Variants in GPR143 observed in about 807,000 individuals in gnomAD.
The protein encoded by GPR143 is G protein-coupled receptor 143, also known as G-protein coupled receptor 143.
In GPR143, 8 loss-of-function variants were observed where a neutral mutation model predicts 27.6. That is an observed-to-expected ratio of 0.29 (90% CI 0.17 to 0.52). The LOEUF is 0.52. Ranked by LOEUF, GPR143 falls within the 20% of genes least tolerant of loss-of-function variation. The pLI is 0.96. For missense variants in GPR143, 303 were observed against 343.1 expected, an observed-to-expected ratio of 0.88 and a Z score of 0.92; for synonymous variants, 156 against 153.2, an observed-to-expected ratio of 1.02 and a Z score of -0.13.
chrX:9,746,521 TTAAA>T (rs1285469261), intron 4 of GPR143, among the ~76,000 whole-genome samples: 1 of 110,914 alleles, frequency 9.0e-6, no homozygotes, highest in Non-Finnish European at 1.9e-5. Flanking sequence ...AGGCACTCCA[TTAAA>T]TAGTGAGGTT....
intron 8 of GPR143, among the ~76,000 whole-genome samples, chrX:9,729,913 C>T (rs1226443937): frequency 8.9e-6 from 1 of 112,357 alleles, no homozygotes; most frequent in Middle Eastern, 4.2e-3. Context: ...CAACAACATT[C>T]CACATATATG....
intron 6 of GPR143, among the ~76,000 whole-genome samples, chrX:9,741,668 C>T (rs1275152437): frequency 9.0e-5 from 10 of 111,595 alleles, no homozygotes; most frequent in Non-Finnish European, 1.9e-4. Flanking sequence ...AGGAGGATTG[C>T]TTGAGCCCAG....
chrX:9,764,518 A>ATG (rs2083518551), intron 1 of GPR143, among the ~76,000 whole-genome samples: 1 of 85,550 alleles, frequency 1.2e-5, no homozygotes, highest in Non-Finnish European at 2.4e-5. Flanking sequence ...ACACACACAC[A>ATG]CACACACACA....
intron 8 of GPR143, among the ~76,000 whole-genome samples, chrX:9,726,131 T>C (rs2083326199): frequency 1.8e-5 from 2 of 110,908 alleles, no homozygotes; most frequent in African/African-American, 6.6e-5. Flanking sequence ...GCACAGATGC[T>C]GCAGGTGACA....
intron 4 of GPR143, among the ~76,000 whole-genome samples, chrX:9,747,009 T>TAA (rs56761188): frequency 0.016 from 599 of 37,574 alleles, 23 homozygotes; most frequent in African/African-American, 0.043. Context: ...GCAGAAAATG[T>TAA]AAAAAAAAAA....
At chrX:9,761,989 AGGTG>A (rs2083503931) in intron 1 of GPR143, among the ~76,000 whole-genome samples, 1 of 112,429 alleles carries the variant, frequency 8.9e-6, no homozygotes, top group Non-Finnish European at 1.9e-5. Context: ...CAGGAGGCTG[AGGTG>A]GGAGAATCGC....
At chrX:9,760,655 T>C in intron 2 of GPR143, 62 bp downstream of exon 2, 1 of 616,257 alleles carries the variant, frequency 1.6e-6, no homozygotes, top group Non-Finnish European at 2.7e-6. Flanking sequence ...CAGGGTTTGC[T>C]GCTGCTGCGA....
intron 1 of GPR143, among the ~76,000 whole-genome samples, chrX:9,771,608 CAAAGA>C (rs1217017204): frequency 1.8e-5 from 2 of 109,563 alleles, no homozygotes; most frequent in Non-Finnish European, 3.8e-5. Flanking sequence ...TCCTGAAAAG[CAAAGA>C]AAACTCCCAG....
chrX:9,767,281 T>C (rs1224981669), upstream of GPR143, among the ~76,000 whole-genome samples: 2 of 110,606 alleles, frequency 1.8e-5, no homozygotes, highest in Non-Finnish European at 3.8e-5. Context: ...ATCATATTTA[T>C]CATCTTCAAC....
In GPR143 at chrX:9,765,718, G is replaced by A. The variant is rs1223791039; in HGVS notation, c.100C>T (p.Leu34=). The change falls in exon 1 of 9, where the codon CTG becomes TTG. Residue 34 remains leucine (L), a synonymous_variant. Transcript: ENST00000467482. The part of the protein sequence containing the change: ...FQPRAFHALC[L]GSGGLRLALG... ...GCCAAGCGGAGCCCGCCGCTGCCCAGGCAGAGCGCGTGGAAGGCCCGCGGC... is the reference window on the plus strand; with the variant it reads ...GCCAAGCGGAGCCCGCCGCTGCCCAAGCAGAGCGCGTGGAAGGCCCGCGGC... 11 of 1,119,770 alleles carry A rather than the reference G, an allele frequency of 9.8e-6. No homozygotes were observed. The highest frequency in any genetic ancestry group is 3.1e-4 in the Middle Eastern group (1 of 3,246). The allele number at this position is 1,119,770 out of a possible 1,213,427, so 92.3% of individuals were successfully genotyped here.
intron 8 of GPR143, among the ~76,000 whole-genome samples, chrX:9,728,483 G>A (rs1340592020): frequency 9.4e-6 from 1 of 106,786 alleles, no homozygotes; most frequent in Admixed American, 1.0e-4. Flanking sequence ...AAAGGATTAG[G>A]GAAGCCTGAG....
chrX:9,770,581 G>A (rs2083551575), upstream of GPR143, among the ~76,000 whole-genome samples: 1 of 110,740 alleles, frequency 9.0e-6, no homozygotes, highest in African/African-American at 3.3e-5. Context: ...GAAGCAGGAA[G>A]TCACTGGCAG....
rs142210246 is a variant in GPR143, at chrX:9,764,307, AT to A, written c.250+1260del. Among the ~76,000 whole-genome samples, 7 of 111,338 alleles carry A rather than the reference AT, an allele frequency of 6.3e-5. No individual in the cohort carries two copies. In the South Asian group the frequency reaches 2.7e-3, roughly 42 times the overall value. ...CCTGTCTCAAAAAACAAAATCATTAATTTTTTAAAAAGTAGGATGTAAAACC... is the reference window on the plus strand; with the variant it reads ...CCTGTCTCAAAAAACAAAATCATTAATTTTTAAAAAGTAGGATGTAAAACC... On this transcript the variant is annotated intron_variant, in intron 1 of 8. Transcript: ENST00000467482.
rs995356127 is a variant in GPR143 at position 9,725,354 on chromosome X, C to T, written c.*392G>A. ...CATCATTAAGCAATGCATAACTGTA[C>T]ATGTATTTATTTTCTTTTGCTAGAA... is the stretch of plus-strand genomic sequence containing the variant. On this transcript the variant is annotated 3_prime_UTR_variant, in exon 9 of 9. Coordinates refer to ENST00000467482, the MANE Select transcript of GPR143 (RefSeq NM_000273.3). 4 of 165,637 alleles carry T rather than the reference C, an allele frequency of 2.4e-5. No homozygotes were observed. The Middle Eastern group carries it at 7.1e-3, about 294-fold the overall frequency. 13.7% of individuals were successfully genotyped at this position (165,637 alleles called of 1,213,427 possible).
chrX:9,760,738 A>G lies in GPR143; in HGVS notation c.339T>C (p.Ala113=). ...TCACCGCACTCCCCACGCAGAAAGC[A>G]GCAGGCCAAATTTCCGTGTGGTTCA... ...SDMNHTEIWP[A]AFCVGSAMWI... is the part of the protein sequence containing the mutation. The change falls in exon 2 of 9, where the codon GCT becomes GCC. Residue 113 remains alanine, a synonymous_variant. Transcript: ENST00000467482. The G allele has an allele frequency of 8.4e-7, 1 of 1,189,676 alleles. No individual in the cohort carries two copies. The highest frequency in any genetic ancestry group is 1.8e-5 in the South Asian group (1 of 54,994).
chrX:9,760,251 C>T (rs369128525), intron 2 of GPR143, among the ~76,000 whole-genome samples: 32 of 110,565 alleles, frequency 2.9e-4, no homozygotes, highest in African/African-American at 6.6e-4. Flanking sequence ...ACCACCACGC[C>T]GAGCTAATTT....
At chrX:9,765,924 C>A, upstream of GPR143, 1 of 797,789 alleles carries the variant, frequency 1.3e-6, no homozygotes, top group Non-Finnish European at 1.6e-6. Context: ...GGCCTCTCCC[C>A]CACCCCAACC....
chrX:9,776,539 C>T (rs1569128601), intron 1 of GPR143, among the ~76,000 whole-genome samples: 1 of 96,726 alleles, frequency 1.0e-5, no homozygotes, highest in Non-Finnish European at 2.0e-5. Flanking sequence ...GCACATGAAA[C>T]CATGCCTAGC....
At chrX:9,739,454 A>T in intron 8 of GPR143, 31 bp downstream of exon 8, 1 of 1,060,899 alleles carries the variant, frequency 9.4e-7, no homozygotes, top group Non-Finnish European at 1.3e-6. Flanking sequence ...GGGACCCCGA[A>T]GTCTACCTGC....
Sources: allele counts gnomAD v4.1 joint callset (sites outside exome capture counted in the v4.1 genomes callset), GRCh38; gene constraint gnomAD v4.1.1; transcripts MANE v1.5; gene names NCBI Gene and HGNC (gene_info 2026-07-23, HGNC 2026-07-21).